Variants in IL3RA observed in about 807,000 individuals in gnomAD.
IL3RA encodes interleukin-3 receptor subunit alpha.
IL3RA carries 73 observed loss-of-function variants against 52.3 expected under a neutral mutation model. The ratio of observed to expected loss-of-function variants is 1.40; its 90% confidence interval spans 1.16 to 1.70. The LOEUF (loss-of-function observed/expected upper bound fraction) is 1.70. Ranked by LOEUF, IL3RA falls within the 40% of genes most tolerant of loss-of-function variation. The pLI is 0.00. For missense variants in IL3RA, 664 were observed against 504.4 expected (o/e 1.32, Z -3.03); for synonymous variants, 260 against 194.0 (o/e 1.34, Z -2.83).
rs1369598110 is a variant in IL3RA at position 1,345,614 on chromosome X, C to T, written c.183+180C>T. Reference sequence around the variant, plus strand: ...ATGCCATTCTCCTGCCTCAACCTCCCGAGTAGCTGGGACTACAGGCGCCCG... The same window carrying T: ...ATGCCATTCTCCTGCCTCAACCTCCTGAGTAGCTGGGACTACAGGCGCCCG... On this transcript the variant is annotated intron_variant, in intron 3 of 11. Coordinates refer to ENST00000331035, the MANE Select transcript of IL3RA (RefSeq NM_002183.4). Among the ~76,000 whole-genome samples, 23 of 151,756 alleles carry T rather than the reference C, an allele frequency of 1.5e-4. 1 individual carries two copies. Among genetic ancestry groups the T allele is most frequent in the African/African-American group, 5.1e-4 (21 of 41,166 alleles).
In IL3RA at chrX:1,348,672, T is replaced by TTCTTTCTTTC. The variant is rs1177584602; in HGVS notation, c.298+129_298+138dup. The TTCTTTCTTTC allele has an allele frequency of 1.1e-5, 5 of 464,956 alleles. No individual in the cohort carries two copies. In the South Asian group the frequency reaches 1.4e-4, roughly 13 times the overall value. 28.8% of individuals were successfully genotyped at this position (464,956 alleles called of 1,614,324 possible). A position where few individuals can be genotyped will look rare whatever the true frequency, so the allele number is the denominator to read the frequency against. ...TTTCTTTCTTTCTTTCTTTCTTTCT[T>TTCTTTCTTTC]TCTTTCTTTCTTTCTTTCTTTTTCT... On this transcript the variant is annotated intron_variant, in intron 4 of 11. Transcript: ENST00000331035.
chrX:1,361,057 C>A (rs2087268951), intron 8 of IL3RA, among the ~76,000 whole-genome samples: 3 of 118,360 alleles, frequency 2.5e-5, no homozygotes, highest in African/African-American at 3.9e-5. Flanking sequence ...CTCTCTCTCC[C>A]TTCCCCTCTC....
chrX:1,377,459 T>C lies in IL3RA; in HGVS notation c.875-1200T>C, dbSNP rs1194061661. ...TTTCTGGCCATGTTGGCCAGGCTGG[T>C]CTCATACTCCCGACCTCAGGTGATC... On this transcript the variant is annotated intron_variant, in intron 9 of 11. Transcript: ENST00000331035. Among the ~76,000 whole-genome samples the C allele has an allele frequency of 4.6e-5, 7 of 151,932 alleles. No individual in the cohort carries two copies. In the South Asian group the frequency reaches 6.2e-4, roughly 13 times the overall value.
At position 1,380,298 on chromosome X, in the gene IL3RA, C is replaced by G. The variant is rs746957105; in HGVS notation, c.981-725C>G. Among the ~76,000 whole-genome samples, 4 of 145,502 alleles carry G rather than the reference C, an allele frequency of 2.7e-5. No individual in the cohort carries two copies. In the South Asian group the frequency reaches 8.9e-4, roughly 32 times the overall value. On this transcript the variant is annotated intron_variant, in intron 10 of 11. Transcript: ENST00000331035. ...CCGCCTGGGCCTCCCAAAGTGCTGG[C>G]ATTACAGGCTTGAGCCACCATGACC... is the stretch of plus-strand genomic sequence containing the variant.
chrX:1,365,128 C>G lies in IL3RA; in HGVS notation c.760-10C>G. The G allele has an allele frequency of 1.3e-6, 2 of 1,598,800 alleles. No individual in the cohort carries two copies. The highest frequency in any genetic ancestry group is 1.7e-6 in the Non-Finnish European group (2 of 1,168,340). The stretch of plus-strand genomic sequence containing the variant: ...CTGGCCCCTCTTCTTTATTTTCTTT[C>G]AAACCACAGGTCAGAGACAGAACCT... On this transcript the variant is annotated splice_polypyrimidine_tract_variant and intron_variant, in intron 8 of 11. Coordinates refer to ENST00000331035, the MANE Select transcript of IL3RA (RefSeq NM_002183.4).
chrX:1,357,526 AT>A (rs1161534599), intron 7 of IL3RA, among the ~76,000 whole-genome samples: 4 of 149,020 alleles, frequency 2.7e-5, no homozygotes, highest in Non-Finnish European at 3.0e-5. Context: ...TGCCTGGCTA[AT>A]TTTTTTTTGT....
chrX:1,382,321 C>T (rs765216229), intron 11 of IL3RA, 70 bp from the exon 12 acceptor site: 73 of 980,912 alleles, frequency 7.4e-5, no homozygotes, highest in South Asian at 6.5e-4. Context: ...GACAGGCCCC[C>T]GCAGATCAGG....
In IL3RA at chrX:1,365,236, C is replaced by CA. The variant is rs756420042; in HGVS notation, c.859dup (p.Thr287AsnfsTer61). 59 of 1,607,978 alleles carry CA rather than the reference C, an allele frequency of 3.7e-5. 1 individual carries two copies. In the East Asian group the frequency reaches 3.8e-4, roughly 10 times the overall value. ...TGTATGAATTCTTGAGCGCCTGGAG[C>CA]ACCCCCCAGCGCTTCGGTGAGTGGG... On this transcript the variant is annotated frameshift_variant, in exon 9 of 12. Coordinates refer to ENST00000331035, the MANE Select transcript of IL3RA (RefSeq NM_002183.4). LOFTEE classifies it high-confidence loss of function.
At chrX:1,352,543 C>G (rs751016731) in intron 6 of IL3RA, 37 bp downstream of exon 6, 2 of 1,597,536 alleles carry the variant, frequency 1.3e-6, no homozygotes, top group African/African-American at 2.7e-5. Context: ...ACCCTCAGTT[C>G]TGTGATACCA....
chrX:1,348,583 C>G (rs1223782378), intron 4 of IL3RA, 38 bp downstream of exon 4: 1 of 1,449,806 alleles, frequency 6.9e-7, no homozygotes, highest in Non-Finnish European at 9.7e-7. Context: ...TTCTCTATTC[C>G]CTCCCTCCTT....
chrX:1,351,562 C>G (rs1293471091), intron 4 of IL3RA, among the ~76,000 whole-genome samples: 2 of 151,516 alleles, frequency 1.3e-5, no homozygotes, highest in African/African-American at 4.9e-5. Context: ...CTCCGGACCT[C>G]AGGTGATCCT....
Position 1,382,671 on chromosome X carries a change from T to TA in IL3RA, c.*206_*207insA. 2 of 175,380 alleles carry TA rather than the reference T, an allele frequency of 1.1e-5. No individual in the cohort carries two copies. Among genetic ancestry groups the TA allele is most frequent in the Admixed American group, 1.3e-4 (1 of 7,832 alleles). 10.9% of individuals were successfully genotyped at this position (175,380 alleles called of 1,614,324 possible). On this transcript the variant is annotated 3_prime_UTR_variant, in exon 12 of 12. Transcript: ENST00000331035. Reference sequence around the variant, plus strand: ...GTGTGTTTATTTCATGATAAAGTGATTTTTTTTTTTTTAACCCACTCACTG... The same window carrying TA: ...GTGTGTTTATTTCATGATAAAGTGATATTTTTTTTTTTTAACCCACTCACTG...
intron 8 of IL3RA, among the ~76,000 whole-genome samples, chrX:1,359,619 A>C (rs1273522960): frequency 4.0e-4 from 41 of 101,380 alleles, no homozygotes; most frequent in Middle Eastern, 0.01. Flanking sequence ...TCCCTCTCTC[A>C]TTCTCCTTCC....
chrX:1,343,987 G>C (rs1334651932), intron 2 of IL3RA, among the ~76,000 whole-genome samples: 1 of 151,678 alleles, frequency 6.6e-6, no homozygotes, highest in African/African-American at 2.4e-5. Flanking sequence ...GTCGCGACGG[G>C]GTTTCACCGT....
In IL3RA at chrX:1,365,196, G is replaced by C. The variant is rs2087827941; in HGVS notation, c.818G>C (p.Arg273Thr). The C allele has an allele frequency of 2.5e-6, 4 of 1,611,586 alleles. No homozygotes were observed. The highest frequency in any genetic ancestry group is 3.4e-6 in the Non-Finnish European group (4 of 1,179,162). ...CCTGGAACGTACACAGTACAAATAA[G>C]AGCCCGGGAAAGAGTGTATGAATTC... is the stretch of plus-strand genomic sequence containing the variant. ...LNPGTYTVQI[R>T]ARERVYEFLS... The change falls in exon 9 of 12, where the codon AGA becomes ACA. Residue 273 changes from arginine (R) to threonine (T), a missense_variant. Transcript: ENST00000331035.
chrX:1,370,815 A>G (rs2088532514), intron 9 of IL3RA, among the ~76,000 whole-genome samples: 1 of 79,410 alleles, frequency 1.3e-5, no homozygotes, highest in African/African-American at 7.2e-5. Flanking sequence ...ACACAGGGAG[A>G]AGACGGCATC....
chrX:1,362,686 T>G (rs2087548080), intron 8 of IL3RA, among the ~76,000 whole-genome samples: 1 of 152,164 alleles, frequency 6.6e-6, no homozygotes. Flanking sequence ...CTGGGGACTC[T>G]GGGGTCCCTG....
At chrX:1,347,446 AAAAAAC>A (rs1478584237) in intron 3 of IL3RA, among the ~76,000 whole-genome samples, 2 of 148,146 alleles carry the variant, frequency 1.4e-5, no homozygotes, top group African/African-American at 2.7e-5. Flanking sequence ...CTCTGTCTCA[AAAAAAC>A]AAAAACAAAA....
At chrX:1,365,040 C>T in intron 8 of IL3RA, 98 bp from the exon 9 acceptor site, 2 of 775,856 alleles carry the variant, frequency 2.6e-6, no homozygotes, top group South Asian at 1.5e-5. Flanking sequence ...AACTCCTGAC[C>T]TCAGGTGATC....
Sources: allele counts gnomAD v4.1 joint callset (sites outside exome capture counted in the v4.1 genomes callset), GRCh38; gene constraint gnomAD v4.1.1; transcripts MANE v1.5; gene names NCBI Gene and HGNC (gene_info 2026-07-23, HGNC 2026-07-21).